CPLANE1: variants seen among roughly 807,000 people sequenced by gnomAD.
CPLANE1 encodes ciliogenesis and planar polarity effector complex subunit 1.
In CPLANE1, 263 loss-of-function variants were observed where a neutral mutation model predicts 362.5. The observed-to-expected ratio is 0.73, with a 90% CI of 0.66 to 0.80. CPLANE1 has a LOEUF of 0.80. Among genes scored for constraint, CPLANE1 ranks in the 30% least tolerant of loss-of-function variants. The pLI, the probability that CPLANE1 is intolerant of heterozygous loss-of-function variation, is 0.00. For synonymous variants in CPLANE1, 1,212 were observed against 1,302.6 expected, an observed-to-expected ratio of 0.93 and a Z score of 1.50; for missense variants, 3,461 against 3,793.4, an observed-to-expected ratio of 0.91 and a Z score of 2.30.
chr5:37,084,439 T>C, the CPLANE1 span, among the ~76,000 whole-genome samples: 1 of 152,122 alleles, frequency 6.6e-6, no homozygotes, highest in South Asian at 2.1e-4. Flanking sequence ...GTATCTCACA[T>C]CGCAATACTA....
chr5:37,083,816 C>G, the CPLANE1 span, among the ~76,000 whole-genome samples: 1 of 152,142 alleles, frequency 6.6e-6, no homozygotes, highest in African/African-American at 2.4e-5. Flanking sequence ...ATCAGCATTC[C>G]TGAGGAAGAA....
rs1433505126 is a variant in CPLANE1 at position 37,247,883 on chromosome 5, C to T, written c.-47-138G>A. On this transcript the variant is annotated intron_variant, in intron 1 of 52. Coordinates refer to ENST00000651892, the MANE Select transcript of CPLANE1 (RefSeq NM_001384732.1). ...TATGATCTCAGCTCACTGCAACCTC[C>T]GCCTCCCGGATTCAAGTGATTCTCC... 3.7e-5 allele frequency: 18 copies of T among 491,870 alleles called. 1 individual carries two copies. The South Asian group carries it at 5.3e-4, about 15-fold the overall frequency. 30.5% of individuals were successfully genotyped at this position (491,870 alleles called of 1,614,324 possible). A position where few individuals can be genotyped will look rare whatever the true frequency, so the allele number is the denominator to read the frequency against.
the CPLANE1 span, among the ~76,000 whole-genome samples, chr5:37,089,511 T>C: frequency 5.3e-5 from 8 of 152,130 alleles, no homozygotes; most frequent in South Asian, 2.1e-4. Flanking sequence ...TGAAGAGTAA[T>C]TGAAAGCTGG....
the CPLANE1 span, among the ~76,000 whole-genome samples, chr5:37,100,935 G>A: frequency 3.6e-3 from 546 of 152,302 alleles, 2 homozygotes; most frequent in African/African-American, 0.012. Flanking sequence ...GAAAAGGAAT[G>A]TCAGCGATTT....
intron 30 of CPLANE1, among the ~76,000 whole-genome samples, chr5:37,176,881 C>G (rs1219913262): frequency 1.3e-5 from 2 of 151,778 alleles, no homozygotes; most frequent in Non-Finnish European, 2.9e-5. Flanking sequence ...GCCTCAGCCT[C>G]CCGAGTAGCT....
chr5:37,202,723 A>G (rs1789551308), intron 18 of CPLANE1, among the ~76,000 whole-genome samples: 1 of 152,056 alleles, frequency 6.6e-6, no homozygotes, highest in South Asian at 2.1e-4. Context: ...TATGTCAAAC[A>G]CTTATGTACT....
At chr5:37,190,027 T>C (rs1181174489) in intron 21 of CPLANE1, among the ~76,000 whole-genome samples, 1 of 151,000 alleles carries the variant, frequency 6.6e-6, no homozygotes, top group African/African-American at 2.4e-5. Context: ...AAAAGAAGAG[T>C]GCATTGCACA....
intron 10 of CPLANE1, 42 bp downstream of exon 10, chr5:37,227,522 AAAAG>A (rs1459983491): frequency 2.5e-5 from 38 of 1,499,808 alleles, no homozygotes; most frequent in Non-Finnish European, 3.3e-5. Flanking sequence ...TTTAAATTTG[AAAAG>A]AAAAAGGCAA....
At chr5:37,196,997 C>T (rs1281566206) in intron 20 of CPLANE1, among the ~76,000 whole-genome samples, 1 of 151,282 alleles carries the variant, frequency 6.6e-6, no homozygotes, top group Non-Finnish European at 1.5e-5. Flanking sequence ...TCAATGAGCA[C>T]AGATTAATGA....
intron 43 of CPLANE1, among the ~76,000 whole-genome samples, chr5:37,144,695 CA>C (rs1314110782): frequency 1.3e-5 from 2 of 151,010 alleles, no homozygotes; most frequent in Non-Finnish European, 3.0e-5. Flanking sequence ...ACTAAAAATA[CA>C]AAAAATTAGC....
intron 15 of CPLANE1, among the ~76,000 whole-genome samples, chr5:37,215,914 C>G (rs1793959978): frequency 6.6e-6 from 1 of 151,888 alleles, no homozygotes; most frequent in Non-Finnish European, 1.5e-5. Context: ...TCACTGCAAC[C>G]TCTGCCTCCA....
intron 46 of CPLANE1, among the ~76,000 whole-genome samples, chr5:37,128,337 A>G (rs982952487): frequency 5.3e-5 from 8 of 152,248 alleles, no homozygotes; most frequent in African/African-American, 1.9e-4. Flanking sequence ...TACACTCTCC[A>G]TTCTGATCAC....
chr5:37,244,732 C>CT, intron 4 of CPLANE1, 125 bp from the exon 5 acceptor site: 2 of 665,300 alleles, frequency 3.0e-6, no homozygotes, highest in East Asian at 5.6e-5. Context: ...GATGTCAAAA[C>CT]TAAGGCACTA....
the CPLANE1 span, among the ~76,000 whole-genome samples, chr5:37,090,070 G>C: frequency 2.0e-5 from 3 of 152,074 alleles, no homozygotes; most frequent in African/African-American, 2.4e-5. Flanking sequence ...TCTTGGGTAC[G>C]TATTAACTTT....
chr5:37,163,068 G>A (rs1035170516), intron 37 of CPLANE1, among the ~76,000 whole-genome samples: 6 of 152,202 alleles, frequency 3.9e-5, no homozygotes, highest in South Asian at 2.1e-4. Flanking sequence ...GACTCTGCAC[G>A]TCCAGCTTAG....
chr5:37,179,898 T>C (rs777122308), intron 28 of CPLANE1, 119 bp downstream of exon 28: 1 of 546,526 alleles, frequency 1.8e-6, no homozygotes, highest in Non-Finnish European at 3.1e-6. Context: ...AATTTTTTAT[T>C]TTAGGCTACT....
At chr5:37,145,338 G>A (rs1771214663) in intron 43 of CPLANE1, among the ~76,000 whole-genome samples, 1 of 152,076 alleles carries the variant, frequency 6.6e-6, no homozygotes, top group African/African-American at 2.4e-5. Context: ...CAGTATCAGA[G>A]AAGATGGAGG....
rs6864648 is a variant in CPLANE1, at chr5:37,245,424, C to T, written c.337+55G>A. The T allele has an allele frequency of 3.7e-6, 5 of 1,341,422 alleles. No individual in the cohort carries two copies. In the East Asian group the frequency reaches 8.6e-5, roughly 23 times the overall value. The allele number at this position is 1,341,422 out of a possible 1,614,324, so 83.1% of individuals were successfully genotyped here. ...GACAGTAACAGAAAAATGTTTCATC[C>T]TCTTTTCCTATTTTTCCTAGTTAAA... On this transcript the variant is annotated intron_variant, in intron 4 of 52. Coordinates refer to ENST00000651892, the MANE Select transcript of CPLANE1 (RefSeq NM_001384732.1).
chr5:37,163,323 G>A (rs1269143823), intron 37 of CPLANE1, among the ~76,000 whole-genome samples: 1 of 152,188 alleles, frequency 6.6e-6, no homozygotes, highest in Non-Finnish European at 1.5e-5. Flanking sequence ...AGAATCATGT[G>A]TTTCTGGCTT....
Sources: gnomAD v4.1 joint callset for allele counts (sites outside exome capture counted in the v4.1 genomes callset) on GRCh38, gnomAD v4.1.1 for gene constraint, MANE v1.5 for transcripts, NCBI Gene and HGNC (gene_info 2026-07-23, HGNC 2026-07-21) for gene names.